The following CCDC148 variants were observed in gnomAD, a reference collection of about 807,000 sequenced individuals.
CCDC148 encodes the protein coiled-coil domain-containing protein 148.
In CCDC148, 89 loss-of-function variants were observed where a neutral mutation model predicts 85.7. The ratio of observed to expected loss-of-function variants is 1.04; its 90% confidence interval spans 0.87 to 1.24. CCDC148 has a LOEUF of 1.24. CCDC148 is among the 50% of genes most tolerant of loss of function. The probability of loss-of-function intolerance (pLI) is 0.00; values close to 1 mark genes in which losing one functional copy is unlikely to be tolerated. For missense variants in CCDC148, 692 were observed against 671.7 expected, an observed-to-expected ratio of 1.03 and a Z score of -0.33; for synonymous variants, 230 against 213.9, an observed-to-expected ratio of 1.08 and a Z score of -0.66.
chr2:158,323,892 A>G (rs1692634172), intron 7 of CCDC148, among the ~76,000 whole-genome samples: 1 of 127,990 alleles, frequency 7.8e-6, no homozygotes, highest in Non-Finnish European at 1.7e-5. Flanking sequence ...TGCCAAAATT[A>G]TGTCTAATTT....
intron 1 of CCDC148, among the ~76,000 whole-genome samples, chr2:158,400,383 A>G (rs1016790746): frequency 8.5e-5 from 13 of 152,180 alleles, no homozygotes; most frequent in African/African-American, 2.9e-4. Context: ...GGAACAGAAC[A>G]GAGGTCTCAG....
intron 11 of CCDC148, among the ~76,000 whole-genome samples, chr2:158,195,050 C>T (rs1163689836): frequency 2.0e-5 from 3 of 151,900 alleles, no homozygotes; most frequent in African/African-American, 7.3e-5. Context: ...GTCCTGGGTC[C>T]ATCTGAGACC....
intron 1 of CCDC148, among the ~76,000 whole-genome samples, chr2:158,371,050 A>C (rs1361802730): frequency 6.6e-6 from 1 of 151,990 alleles, no homozygotes; most frequent in Non-Finnish European, 1.5e-5. Context: ...GGAAGAAGAA[A>C]AACACAGTTT....
At chr2:158,301,296 A>G (rs761960721) in intron 9 of CCDC148, among the ~76,000 whole-genome samples, 4 of 152,254 alleles carry the variant, frequency 2.6e-5, no homozygotes, top group Non-Finnish European at 4.4e-5. Flanking sequence ...AAGAAGGGGC[A>G]GATAGATAAA....
intron 7 of CCDC148, among the ~76,000 whole-genome samples, chr2:158,330,209 T>C (rs1319513600): frequency 1.3e-5 from 2 of 152,250 alleles, no homozygotes; most frequent in Non-Finnish European, 2.9e-5. Flanking sequence ...TGAGTGTTTT[T>C]AGCATGAAGC....
chr2:158,257,665 T>A (rs998105155), intron 9 of CCDC148, among the ~76,000 whole-genome samples: 1 of 151,882 alleles, frequency 6.6e-6, no homozygotes, highest in Non-Finnish European at 1.5e-5. Context: ...CTCTCTTTGA[T>A]AACTGCTTTT....
intron 10 of CCDC148, among the ~76,000 whole-genome samples, chr2:158,237,560 C>T (rs1347024375): frequency 1.3e-5 from 2 of 152,064 alleles, no homozygotes; most frequent in African/African-American, 2.4e-5. Flanking sequence ...GGCCTGAGTG[C>T]TAGCAGACTA....
At chr2:158,415,361 C>T (rs1047338025) in intron 1 of CCDC148, among the ~76,000 whole-genome samples, 2 of 151,976 alleles carry the variant, frequency 1.3e-5, no homozygotes, top group African/African-American at 2.4e-5. Context: ...GGGAAGTGCA[C>T]CCCCTTGATC....
intron 12 of CCDC148, 101 bp from the exon 13 acceptor site, chr2:158,176,762 T>C: frequency 7.3e-7 from 1 of 1,360,718 alleles, no homozygotes; most frequent in Non-Finnish European, 1.0e-6. Flanking sequence ...AGAAATTTTA[T>C]TAAAGGTAAA....
chr2:158,387,344 G>A (rs1352670300), intron 1 of CCDC148, among the ~76,000 whole-genome samples: 2 of 151,334 alleles, frequency 1.3e-5, no homozygotes, highest in Admixed American at 1.3e-4. Flanking sequence ...ATCTCCAACT[G>A]CAATACAACA....
intron 1 of CCDC148, among the ~76,000 whole-genome samples, chr2:158,439,904 A>G (rs1687857510): frequency 6.6e-6 from 1 of 152,162 alleles, no homozygotes; most frequent in African/African-American, 2.4e-5. Flanking sequence ...TCTGTTGTGC[A>G]GGCTGGAGTG....
At chr2:158,355,988 C>T (rs1323017103) in intron 2 of CCDC148, among the ~76,000 whole-genome samples, 1 of 135,140 alleles carries the variant, frequency 7.4e-6, no homozygotes, top group African/African-American at 3.3e-5. Context: ...GAAAGGATTC[C>T]CTATTTAATA....
At chr2:158,374,534 C>A (rs114536579) in intron 1 of CCDC148, among the ~76,000 whole-genome samples, 1 of 151,772 alleles carries the variant, frequency 6.6e-6, no homozygotes, top group Non-Finnish European at 1.5e-5. Flanking sequence ...CGCTCTCTCT[C>A]GAGAAAAAAA....
chr2:158,378,387 A>T (rs13425848), intron 1 of CCDC148, among the ~76,000 whole-genome samples: 8,304 of 152,218 alleles, frequency 0.055, 434 homozygotes, highest in African/African-American at 0.13. Flanking sequence ...ATAAGGTTTA[A>T]GGAAGGTTGC....
intron 9 of CCDC148, among the ~76,000 whole-genome samples, chr2:158,295,327 C>T (rs2105193052): frequency 6.6e-6 from 1 of 152,226 alleles, no homozygotes; most frequent in Middle Eastern, 3.4e-3. Flanking sequence ...CCCTCTGAAA[C>T]TATTCCAATC....
chr2:158,359,939 T>G (rs980785061), intron 1 of CCDC148, among the ~76,000 whole-genome samples: 3 of 152,186 alleles, frequency 2.0e-5, no homozygotes, highest in African/African-American at 7.2e-5. Flanking sequence ...AAATTCTCAC[T>G]GCCAGCACAG....
chr2:158,375,815 G>A (rs111279353), intron 1 of CCDC148, among the ~76,000 whole-genome samples: 4,094 of 152,172 alleles, frequency 0.027, 74 homozygotes, highest in Middle Eastern at 0.092. Context: ...AAATGCGGAC[G>A]TAAAGCTAGA....
intron 11 of CCDC148, among the ~76,000 whole-genome samples, chr2:158,184,264 A>T (rs1232206034): frequency 6.6e-6 from 1 of 152,150 alleles, no homozygotes; most frequent in African/African-American, 2.4e-5. Flanking sequence ...TGCCAGCCCC[A>T]AACAGAGACC....
chr2:158,408,253 T>A (rs760450238), intron 1 of CCDC148, among the ~76,000 whole-genome samples: 4 of 152,162 alleles, frequency 2.6e-5, no homozygotes, highest in Non-Finnish European at 5.9e-5. Context: ...ACACTTAATA[T>A]ATACCCTTTT....
Sources: gnomAD v4.1 joint callset for allele counts (sites outside exome capture counted in the v4.1 genomes callset) on GRCh38, gnomAD v4.1.1 for gene constraint, MANE v1.5 for transcripts, NCBI Gene and HGNC (gene_info 2026-07-23, HGNC 2026-07-21) for gene names.